The following MPPED2 variants were observed in gnomAD, a reference collection of about 807,000 sequenced individuals.
MPPED2 encodes the protein metallophosphoesterase MPPED2.
A neutral mutation model predicts 33.0 loss-of-function variants in MPPED2; 5 were observed. That is an observed-to-expected ratio of 0.15 (90% CI 0.08 to 0.32). The LOEUF is 0.32. MPPED2 is among the 10% of genes least tolerant of loss of function. MPPED2 has a pLI of 1.00. For synonymous variants in MPPED2, 136 were observed against 141.9 expected, an observed-to-expected ratio of 0.96 and a Z score of 0.29; for missense variants, 275 against 372.1, an observed-to-expected ratio of 0.74 and a Z score of 2.15.
chr11:30,425,220 G>A (rs563531153), intron 4 of MPPED2, among the ~76,000 whole-genome samples: 6 of 152,234 alleles, frequency 3.9e-5, no homozygotes, highest in East Asian at 3.9e-4. Flanking sequence ...GGCAGCACAC[G>A]TGGACATCTT....
At chr11:30,408,359 G>C (rs1432966886), downstream of MPPED2, among the ~76,000 whole-genome samples, 1 of 152,156 alleles carries the variant, frequency 6.6e-6, no homozygotes, top group African/African-American at 2.4e-5. Context: ...TCCCAGGCTG[G>C]AGTGCAATGG....
At chr11:30,516,634 C>T (rs1010468905) in intron 3 of MPPED2, among the ~76,000 whole-genome samples, 6 of 152,164 alleles carry the variant, frequency 3.9e-5, no homozygotes, top group African/African-American at 1.4e-4. Context: ...AGATGTGGGT[C>T]TGTCAGTCTT....
chr11:30,532,818 T>C (rs531260877), intron 3 of MPPED2, among the ~76,000 whole-genome samples: 52 of 152,326 alleles, frequency 3.4e-4, no homozygotes, highest in Non-Finnish European at 6.5e-4. Flanking sequence ...AAATTACGCA[T>C]GTTAATGACT....
chr11:30,463,209 A>G (rs1322951332), intron 4 of MPPED2, among the ~76,000 whole-genome samples: 1 of 152,252 alleles, frequency 6.6e-6, no homozygotes, highest in East Asian at 1.9e-4. Flanking sequence ...TGTAATCCTG[A>G]TAACAACTGA....
intron 4 of MPPED2, among the ~76,000 whole-genome samples, chr11:30,479,694 A>C (rs1020776743): frequency 2.0e-5 from 3 of 152,148 alleles, no homozygotes; most frequent in Non-Finnish European, 4.4e-5. Context: ...GATATCACTA[A>C]TAATAAATTT....
intron 4 of MPPED2, among the ~76,000 whole-genome samples, chr11:30,482,153 C>T (rs1198283556): frequency 6.6e-6 from 1 of 151,962 alleles, no homozygotes; most frequent in Non-Finnish European, 1.5e-5. Context: ...CCAGGAAAAG[C>T]AGAATAAGAG....
At chr11:30,462,639 C>T (rs1950553712) in intron 4 of MPPED2, among the ~76,000 whole-genome samples, 1 of 152,126 alleles carries the variant, frequency 6.6e-6, no homozygotes, top group East Asian at 1.9e-4. Flanking sequence ...GACTGGATCT[C>T]CAAGAGAAGT....
chr11:30,427,406 GAT>G lies in MPPED2; in HGVS notation c.537-9775_537-9774del, dbSNP rs1384557059. Among the ~76,000 whole-genome samples, 8 of 152,294 alleles carry G rather than the reference GAT, an allele frequency of 5.3e-5. No individual in the cohort carries two copies. The East Asian group carries it at 1.5e-3, about 29-fold the overall frequency. ...TAATATTCTAGGGCATTATCAAGGG[GAT>G]ATACAGTTGGGGAGCATTTTACTAG... On this transcript the variant is annotated intron_variant, in intron 4 of 6. Coordinates refer to ENST00000358117, the MANE Select transcript of MPPED2 (RefSeq NM_001584.3).
At chr11:30,560,055 C>T (rs1474973799) in intron 2 of MPPED2, among the ~76,000 whole-genome samples, 1 of 152,168 alleles carries the variant, frequency 6.6e-6, no homozygotes, top group Non-Finnish European at 1.5e-5. Flanking sequence ...TTGACTTCCA[C>T]CAGCATTCAC....
intron 4 of MPPED2, among the ~76,000 whole-genome samples, chr11:30,453,162 A>T (rs904660812): frequency 3.3e-5 from 5 of 152,232 alleles, no homozygotes; most frequent in Non-Finnish European, 5.9e-5. Flanking sequence ...GACCACCAAA[A>T]TAGAAGCAAC....
At chr11:30,582,314 C>A (rs900280980) in intron 1 of MPPED2, among the ~76,000 whole-genome samples, 1 of 152,032 alleles carries the variant, frequency 6.6e-6, no homozygotes, top group Non-Finnish European at 1.5e-5. Context: ...AGAATGTTAG[C>A]CATCAAAGCA....
Position 30,583,224 on chromosome 11 carries a change from T to C in MPPED2, c.-121-2730A>G, listed in dbSNP as rs566187055. Among the ~76,000 whole-genome samples, 4 of 145,282 alleles carry C rather than the reference T, an allele frequency of 2.8e-5. No individual in the cohort carries two copies. The South Asian group carries it at 6.5e-4, about 24-fold the overall frequency. The stretch of plus-strand genomic sequence containing the variant: ...AACCACTTCCTATAACCTGAGAAAT[T>C]TGGAGAGAGCTTGAAACAAGACAGA... On this transcript the variant is annotated intron_variant, in intron 1 of 6. Transcript: ENST00000358117.
chr11:30,580,968 A>G (rs1465423794), intron 1 of MPPED2, among the ~76,000 whole-genome samples: 2 of 152,272 alleles, frequency 1.3e-5, no homozygotes, highest in Non-Finnish European at 2.9e-5. Context: ...TGTTGTGCTT[A>G]TAACAAATAC....
intron 2 of MPPED2, among the ~76,000 whole-genome samples, chr11:30,544,574 T>A (rs1376393398): frequency 6.6e-6 from 1 of 152,214 alleles, no homozygotes; most frequent in Admixed American, 6.5e-5. Flanking sequence ...CATCTAGTCA[T>A]TTCATAAGCA....
chr11:30,499,886 TAACATCTAG>T (rs1218365300), intron 3 of MPPED2, among the ~76,000 whole-genome samples: 2 of 152,312 alleles, frequency 1.3e-5, no homozygotes, highest in South Asian at 2.1e-4. Context: ...TGTAATGAAC[TAACATCTAG>T]AACTCAGGAA....
At chr11:30,418,320 C>A (rs1386213637) in intron 4 of MPPED2, among the ~76,000 whole-genome samples, 1 of 152,212 alleles carries the variant, frequency 6.6e-6, no homozygotes, top group Non-Finnish European at 1.5e-5. Flanking sequence ...TGAACATGAG[C>A]CTTTTTCCAT....
intron 3 of MPPED2, among the ~76,000 whole-genome samples, chr11:30,518,009 A>G (rs1284799764): frequency 1.4e-5 from 2 of 141,872 alleles, no homozygotes; most frequent in East Asian, 4.5e-4. Context: ...ACTATTACTG[A>G]ACTATATCCA....
At chr11:30,524,590 C>G (rs901276039) in intron 3 of MPPED2, among the ~76,000 whole-genome samples, 1 of 152,112 alleles carries the variant, frequency 6.6e-6, no homozygotes, top group Non-Finnish European at 1.5e-5. Context: ...GGTAGAGGGT[C>G]AGGCTATAGT....
chr11:30,395,507 A>G (rs1947828757), intron 6 of MPPED2, among the ~76,000 whole-genome samples: 1 of 152,172 alleles, frequency 6.6e-6, no homozygotes, highest in African/African-American at 2.4e-5. Context: ...ACCTAAGAAT[A>G]CCTTGGATGC....
Sources: allele counts gnomAD v4.1 joint callset (sites outside exome capture counted in the v4.1 genomes callset), GRCh38; gene constraint gnomAD v4.1.1; transcripts MANE v1.5; gene names NCBI Gene and HGNC (gene_info 2026-07-23, HGNC 2026-07-21).